Variants in LRRK2 observed in about 807,000 individuals in gnomAD.
LRRK2 encodes leucine-rich repeat serine/threonine-protein kinase 2.
A neutral mutation model predicts 302.6 loss-of-function variants in LRRK2; 203 were observed. The observed-to-expected ratio is 0.67, with a 90% confidence interval of 0.60 to 0.75. LRRK2 has a LOEUF of 0.75. LRRK2 is among the 30% of genes least tolerant of loss of function. LRRK2 has a pLI of 0.00. For synonymous variants in LRRK2, 1,066 were observed against 1,031.9 expected (o/e 1.03, Z -0.63); for missense variants, 2,830 against 2,951.0 (o/e 0.96, Z 0.95).
At chr12:40,351,442 G>T (rs1946347657) in intron 43 of LRRK2, 97 bp from the exon 44 acceptor site, 1 of 1,152,780 alleles carries the variant, frequency 8.7e-7, no homozygotes, top group East Asian at 2.5e-5. Flanking sequence ...TTTAGGTTTT[G>T]CTTGACAGAG....
Position 40,251,604 on chromosome 12 carries a change from T to A in LRRK2, c.1181+60T>A, listed in dbSNP as rs564424994. The A allele has an allele frequency of 6.8e-6, 9 of 1,323,998 alleles. No homozygotes were observed. In the African/African-American group the frequency reaches 1.0e-4, roughly 15 times the overall value. The allele number at this position is 1,323,998 out of a possible 1,614,324, so 82.0% of individuals were successfully genotyped here. A position where few individuals can be genotyped will look rare whatever the true frequency, so the allele number is the denominator to read the frequency against. Reference sequence around the variant, plus strand: ...CAGTTATATTTTAAATCAATACCTATAAAATACCTTAACCGTAACTTTTAT... The same window carrying A: ...CAGTTATATTTTAAATCAATACCTAAAAAATACCTTAACCGTAACTTTTAT... On this transcript the variant is annotated intron_variant, in intron 10 of 50. Transcript: ENST00000298910.
chr12:40,258,218 T>C (rs964886525), intron 12 of LRRK2, among the ~76,000 whole-genome samples: 1 of 152,204 alleles, frequency 6.6e-6, no homozygotes, highest in African/African-American at 2.4e-5. Flanking sequence ...TGTCTATTGT[T>C]GTTATACTGT....
chr12:40,325,265 C>T (rs541618183), intron 38 of LRRK2, among the ~76,000 whole-genome samples: 78 of 152,202 alleles, frequency 5.1e-4, no homozygotes, highest in African/African-American at 1.7e-3. Flanking sequence ...CCAGCCTAGG[C>T]GACAGAGCGT....
chr12:40,280,831 C>T (rs1426330134), intron 18 of LRRK2, among the ~76,000 whole-genome samples: 1 of 151,140 alleles, frequency 6.6e-6, no homozygotes, highest in Non-Finnish European at 1.5e-5. Flanking sequence ...CTTTGGGAGG[C>T]CGAGGTGGGT....
chr12:40,295,583 A>G lies in LRRK2; in HGVS notation c.3035A>G (p.His1012Arg). 1 of 1,614,098 alleles carries G rather than the reference A, an allele frequency of 6.2e-7. No individual in the cohort carries two copies. Among genetic ancestry groups the G allele is most frequent in the Non-Finnish European group, 8.5e-7 (1 of 1,179,984 alleles). The change falls in exon 23 of 51, where the codon CAT becomes CGT. Residue 1012 changes from histidine to arginine, a missense_variant. Physicochemically the swap from His to Arg is conservative, Grantham distance 29. This residue lies in a region of LRRK2 where 2,121 missense variants were observed against 2,148.0 expected (regional missense o/e 0.99). Coordinates refer to ENST00000298910, the MANE Select transcript of LRRK2 (RefSeq NM_198578.4). ...TGCTGTATAAGTGTTCATTTGGAGC[A>G]TCTTGAAAAGCTGGAGCTTCACCAG... is the stretch of plus-strand genomic sequence containing the variant. ...QKCCISVHLEHLEKLELHQNA... is the reference protein window; with the variant it reads ...QKCCISVHLERLEKLELHQNA...
chr12:40,305,744 C>T (rs1156360630), intron 27 of LRRK2, 41 bp from the exon 28 acceptor site: 2 of 1,587,294 alleles, frequency 1.3e-6, no homozygotes, highest in Non-Finnish European at 1.7e-6. Context: ...CACATTTCTT[C>T]CTTCCCACCA....
chr12:40,338,068 G>A (rs1945928868), intron 40 of LRRK2, among the ~76,000 whole-genome samples: 1 of 152,192 alleles, frequency 6.6e-6, no homozygotes, highest in African/African-American at 2.4e-5. Flanking sequence ...GCTAAAGAGG[G>A]AAAGCTAGAT....
intron 39 of LRRK2, among the ~76,000 whole-genome samples, chr12:40,330,495 A>T (rs777712087): frequency 2.0e-4 from 31 of 152,066 alleles, no homozygotes; most frequent in Admixed American, 5.2e-4. Flanking sequence ...GAACCTTTAC[A>T]AGTATGTGTT....
chr12:40,361,627 A>G (rs1327533911), intron 47 of LRRK2, among the ~76,000 whole-genome samples: 1 of 152,130 alleles, frequency 6.6e-6, no homozygotes, highest in East Asian at 1.9e-4. Context: ...AACTCTTTAA[A>G]GTTCCATATA....
intron 12 of LRRK2, 144 bp downstream of exon 12, chr12:40,257,521 T>C (rs1481571913): frequency 9.0e-6 from 8 of 893,448 alleles, no homozygotes; most frequent in African/African-American, 1.7e-5. Context: ...TGTAATCTCG[T>C]GTCACTAGTA....
intron 18 of LRRK2, among the ~76,000 whole-genome samples, chr12:40,282,112 T>TCCCTC (rs1160837095): frequency 2.3e-5 from 1 of 43,370 alleles, no homozygotes; most frequent in African/African-American, 9.9e-5. Flanking sequence ...CCCCTTCTCT[T>TCCCTC]CCCTCCCCTC....
intron 11 of LRRK2, among the ~76,000 whole-genome samples, chr12:40,255,340 G>C (rs951695838): frequency 2.0e-5 from 3 of 152,136 alleles, no homozygotes; most frequent in Non-Finnish European, 4.4e-5. Flanking sequence ...GACCTGCAGG[G>C]CGTCGCATAT....
chr12:40,365,841 CT>C (rs1946862879), intron 49 of LRRK2: 1 of 151,872 alleles, frequency 6.6e-6, no homozygotes, highest in Non-Finnish European at 1.5e-5. Flanking sequence ...CATTTATAGA[CT>C]TTAGAGTTGC....
At chr12:40,342,684 G>A (rs750231261) in intron 41 of LRRK2, among the ~76,000 whole-genome samples, 4 of 152,076 alleles carry the variant, frequency 2.6e-5, no homozygotes, top group Non-Finnish European at 5.9e-5. Context: ...GAAGGAAACA[G>A]TTCCCTCTCA....
chr12:40,319,373 C>A (rs1945329327), intron 33 of LRRK2, among the ~76,000 whole-genome samples: 1 of 151,900 alleles, frequency 6.6e-6, no homozygotes, highest in African/African-American at 2.4e-5. Flanking sequence ...TTTTAACTGC[C>A]ATGACAAGGA....
intron 39 of LRRK2, among the ~76,000 whole-genome samples, chr12:40,330,365 C>T (rs935245959): frequency 1.3e-5 from 2 of 151,918 alleles, no homozygotes; most frequent in Admixed American, 6.6e-5. Context: ...TTTTAGTGCC[C>T]ACTGTTGCTA....
intron 38 of LRRK2, among the ~76,000 whole-genome samples, chr12:40,326,957 T>C (rs758623714): frequency 3.9e-5 from 6 of 152,244 alleles, no homozygotes; most frequent in African/African-American, 9.6e-5. Context: ...TATAATTATA[T>C]ATGCTCATTA....
rs1316936211 is a variant in LRRK2 at position 40,294,923 on chromosome 12, T to C, written c.2878+9T>C. On this transcript the variant is annotated intron_variant, in intron 22 of 50. Coordinates refer to ENST00000298910, the MANE Select transcript of LRRK2 (RefSeq NM_198578.4). ...TTCAGATGATTCACTCAGTAAGTAT[T>C]TGGATGTAATCATAAGTAAATAGAT... 1 of 1,457,248 alleles carries C rather than the reference T, an allele frequency of 6.9e-7. No individual in the cohort carries two copies. 90.3% of individuals were successfully genotyped at this position (1,457,248 alleles called of 1,614,324 possible). A position where few individuals can be genotyped will look rare whatever the true frequency, so the allele number is the denominator to read the frequency against.
At chr12:40,238,867 C>G (rs142492763) in intron 5 of LRRK2, among the ~76,000 whole-genome samples, 1 of 152,046 alleles carries the variant, frequency 6.6e-6, no homozygotes, top group East Asian at 1.9e-4. Context: ...CTGTCTCCTC[C>G]CAGAAGGATT....
Sources: gnomAD v4.1 joint callset for allele counts (sites outside exome capture counted in the v4.1 genomes callset) on GRCh38, gnomAD v4.1.1 for gene constraint, gnomAD v4.1.1 regional missense constraint, MANE v1.5 for transcripts, NCBI Gene and HGNC (gene_info 2026-07-23, HGNC 2026-07-21) for gene names.